Variants in SLC12A6 observed in about 807,000 individuals in gnomAD.
The protein encoded by SLC12A6 is K-Cl cotransporter 3.
A neutral mutation model predicts 135.3 loss-of-function variants in SLC12A6; 66 were observed. The observed-to-expected ratio is 0.49, with a 90% confidence interval of 0.40 to 0.60. SLC12A6 has a LOEUF of 0.60. Ranked by LOEUF, SLC12A6 falls within the 20% of genes least tolerant of loss-of-function variation. The probability of loss-of-function intolerance (pLI) is 0.00; values close to 1 mark genes in which losing one functional copy is unlikely to be tolerated. For missense variants in SLC12A6, 1,058 were observed against 1,452.3 expected (o/e 0.73, Z 4.41); for synonymous variants, 513 against 508.8 (o/e 1.01, Z -0.11).
chr15:34,271,472 T>A (rs1242503232), intron 3 of SLC12A6, among the ~76,000 whole-genome samples: 3 of 152,046 alleles, frequency 2.0e-5, no homozygotes, highest in Admixed American at 1.3e-4. Context: ...GGTTTTCTAT[T>A]CCTTATGAGA....
At chr15:34,243,663 T>C (rs1842456373) in intron 16 of SLC12A6, among the ~76,000 whole-genome samples, 2 of 152,218 alleles carry the variant, frequency 1.3e-5, no homozygotes, top group Admixed American at 6.5e-5. Flanking sequence ...CCTCTGACTC[T>C]GTAACCCTAA....
chr15:34,236,499 C>T (rs1033850477), intron 23 of SLC12A6, among the ~76,000 whole-genome samples: 3 of 152,148 alleles, frequency 2.0e-5, no homozygotes, highest in Non-Finnish European at 4.4e-5. Context: ...CATGTGCCAC[C>T]ATGCCCGGCT....
chr15:34,306,701 G>C (rs1446581631), intron 2 of SLC12A6, among the ~76,000 whole-genome samples: 3 of 152,170 alleles, frequency 2.0e-5, no homozygotes, highest in Non-Finnish European at 4.4e-5. Flanking sequence ...AATCCTAAAA[G>C]CATTAAAATC....
chr15:34,298,842 T>C (rs562403482), intron 2 of SLC12A6, among the ~76,000 whole-genome samples: 1 of 152,314 alleles, frequency 6.6e-6, no homozygotes, highest in African/African-American at 2.4e-5. Context: ...TGCCATCATT[T>C]AGATTCTCAT....
At chr15:34,334,736 T>C (rs1456635107) in intron 2 of SLC12A6, among the ~76,000 whole-genome samples, 1 of 152,182 alleles carries the variant, frequency 6.6e-6, no homozygotes, top group Non-Finnish European at 1.5e-5. Context: ...GCTTTTAACA[T>C]CTGTAACCAC....
At chr15:34,333,324 G>T (rs993824439) in intron 2 of SLC12A6, among the ~76,000 whole-genome samples, 1 of 151,410 alleles carries the variant, frequency 6.6e-6, no homozygotes, top group African/African-American at 2.4e-5. Flanking sequence ...CCGCCTCCTG[G>T]ATTCAAGCAA....
chr15:34,269,370 GT>G (rs2140853052), intron 3 of SLC12A6, among the ~76,000 whole-genome samples: 1 of 151,964 alleles, frequency 6.6e-6, no homozygotes, highest in Non-Finnish European at 1.5e-5. Flanking sequence ...CTTTACTGTT[GT>G]GATGTTATTA....
chr15:34,256,110 T>G, intron 7 of SLC12A6, 119 bp downstream of exon 7: 2 of 738,152 alleles, frequency 2.7e-6, no homozygotes, highest in Non-Finnish European at 5.0e-6. Context: ...CATTACTCTG[T>G]TGTAGCACAG....
At chr15:34,325,404 A>G (rs531704643) in intron 2 of SLC12A6, among the ~76,000 whole-genome samples, 1 of 152,202 alleles carries the variant, frequency 6.6e-6, no homozygotes, top group Non-Finnish European at 1.5e-5. Context: ...ACCAACTATC[A>G]TGGGATGGTA....
intron 12 of SLC12A6, 87 bp from the exon 13 acceptor site, chr15:34,250,442 G>A: frequency 2.1e-6 from 2 of 931,748 alleles, no homozygotes; most frequent in Non-Finnish European, 3.6e-6. Flanking sequence ...TCTTCTGTCA[G>A]TAAAATGAGC....
At chr15:34,246,810 C>A (rs377604231) in intron 13 of SLC12A6, among the ~76,000 whole-genome samples, 1 of 152,142 alleles carries the variant, frequency 6.6e-6, no homozygotes. Context: ...CCATGTCTGA[C>A]TAATCTTTTA....
chr15:34,328,115 GAA>G (rs11353639), intron 2 of SLC12A6, among the ~76,000 whole-genome samples: 9 of 141,758 alleles, frequency 6.3e-5, no homozygotes, highest in African/African-American at 2.3e-4. Context: ...ATTTTAAAAA[GAA>G]AAAAAAAAAG....
In SLC12A6 at chr15:34,296,088, GTAC is replaced by G. The variant is rs1337464993; in HGVS notation, c.272-20702_272-20700del. Among the ~76,000 whole-genome samples the G allele has an allele frequency of 2.0e-5, 3 of 152,140 alleles. No homozygotes were observed. The East Asian group carries it at 5.8e-4, about 29-fold the overall frequency. ...AGGACTGTCTGTACTACATTTCCCA[GTAC>G]AATTTTATTAATGATTCCAATTCAA... On this transcript the variant is annotated intron_variant, in intron 2 of 25. Transcript: ENST00000354181.
intron 2 of SLC12A6, among the ~76,000 whole-genome samples, chr15:34,298,281 C>G (rs1896010516): frequency 1.3e-5 from 2 of 152,134 alleles, no homozygotes; most frequent in South Asian, 2.1e-4. Flanking sequence ...TTGAGACCAG[C>G]CTGGCCAAGA....
intron 2 of SLC12A6, among the ~76,000 whole-genome samples, chr15:34,283,076 C>T: frequency 6.6e-6 from 1 of 152,226 alleles, no homozygotes; most frequent in Non-Finnish European, 1.5e-5. Context: ...GGCACTGTGG[C>T]TCACGCCTGT....
intron 3 of SLC12A6, among the ~76,000 whole-genome samples, chr15:34,263,192 G>C (rs1893271818): frequency 6.6e-6 from 1 of 152,156 alleles, no homozygotes; most frequent in African/African-American, 2.4e-5. Flanking sequence ...GGCCCAGGTG[G>C]GAGACTGCTA....
At position 34,288,894 on chromosome 15, in the gene SLC12A6, T is replaced by C. The variant is rs756349371; in HGVS notation, c.272-13505A>G. On this transcript the variant is annotated intron_variant, in intron 2 of 25. Coordinates refer to ENST00000354181, the MANE Select transcript of SLC12A6 (RefSeq NM_001365088.1). ...TTAAGGAGATTTTGGGCTGAGACGA[T>C]GGGGTTTTCTAAATACACAATCATG... Among the ~76,000 whole-genome samples the C allele has an allele frequency of 2.0e-5, 3 of 152,186 alleles. No individual in the cohort carries two copies. The East Asian group carries it at 5.8e-4, about 29-fold the overall frequency.
At chr15:34,337,145 C>T (rs1445023287) in intron 1 of SLC12A6, 187 bp downstream of exon 1, 1 of 270,082 alleles carries the variant, frequency 3.7e-6, no homozygotes. Context: ...AAACCTTTAT[C>T]AGGCGACTAT....
intron 2 of SLC12A6, among the ~76,000 whole-genome samples, chr15:34,301,893 A>G (rs7170829): frequency 0.039 from 5,979 of 152,312 alleles, 220 homozygotes; most frequent in African/African-American, 0.099. Context: ...AGAGGCTCTT[A>G]AGCAAACCAG....
Sources: gnomAD v4.1 joint callset for allele counts (sites outside exome capture counted in the v4.1 genomes callset) on GRCh38, gnomAD v4.1.1 for gene constraint, MANE v1.5 for transcripts, NCBI Gene and HGNC (gene_info 2026-07-23, HGNC 2026-07-21) for gene names.